Variants in PALM observed in about 807,000 individuals in gnomAD.
The protein encoded by PALM is paralemmin-1.
In PALM, 18 loss-of-function variants were observed where a neutral mutation model predicts 30.7. The observed-to-expected ratio is 0.59, with a 90% CI of 0.41 to 0.87. PALM has a LOEUF of 0.87. Ranked by LOEUF, PALM falls within the 40% of genes least tolerant of loss-of-function variation. PALM has a pLI of 0.00. For missense variants in PALM, 529 were observed against 555.4 expected, an observed-to-expected ratio of 0.95 and a Z score of 0.48; for synonymous variants, 286 against 242.8, an observed-to-expected ratio of 1.18 and a Z score of -1.66.
In PALM at chr19:742,683, C is replaced by T. The variant is rs952571741; in HGVS notation, c.634+2200C>T. 2.0e-5 allele frequency among the ~76,000 whole-genome samples: 3 copies of T among 152,148 alleles called. No individual in the cohort carries two copies. The East Asian group carries it at 5.8e-4, about 29-fold the overall frequency. On this transcript the variant is annotated intron_variant, in intron 8 of 8. Coordinates refer to ENST00000338448, the MANE Select transcript of PALM (RefSeq NM_002579.3). This position sits in a 1 kb window ranked among gnomAD's most constrained non-coding sequence, Gnocchi z 5.5. ...GGCCTTCTGTGTCTGGCGTCTCTCA[C>T]TGGGCGTGACGTCCCCAAGGTGCAT...
At chr19:730,549 A>T (rs1314833530) in intron 4 of PALM, among the ~76,000 whole-genome samples, 1 of 152,176 alleles carries the variant, frequency 6.6e-6, no homozygotes, top group African/African-American at 2.4e-5. Flanking sequence ...CAGTGACATA[A>T]ACAGCGCAGG....
chr19:728,865 G>A (rs957090221), intron 4 of PALM, among the ~76,000 whole-genome samples: 3 of 152,034 alleles, frequency 2.0e-5, no homozygotes, highest in South Asian at 2.1e-4. Context: ...TTAGCCAGGC[G>A]TGGTGGCGGG....
chr19:727,914 G>A (rs560299382), intron 4 of PALM: 8 of 555,536 alleles, frequency 1.4e-5, no homozygotes, highest in Middle Eastern at 4.8e-4. Context: ...GCAGAGGCTG[G>A]CTGCGTGGCC....
chr19:743,124 C>G (rs574218858), intron 8 of PALM, among the ~76,000 whole-genome samples: 1 of 152,188 alleles, frequency 6.6e-6, no homozygotes, highest in Non-Finnish European at 1.5e-5. Flanking sequence ...CCAAAGCCTT[C>G]TGTTCTCAGA....
intron 1 of PALM, among the ~76,000 whole-genome samples, chr19:721,723 G>A (rs989754757): frequency 4.6e-5 from 7 of 151,760 alleles, no homozygotes; most frequent in African/African-American, 4.8e-5. Flanking sequence ...TCAGCCTCCT[G>A]AGTAGCTGGG....
At chr19:739,009 C>T (rs563863806) in intron 7 of PALM, among the ~76,000 whole-genome samples, 3 of 152,254 alleles carry the variant, frequency 2.0e-5, no homozygotes, top group Non-Finnish European at 2.9e-5. Context: ...CGCTGCGGGG[C>T]GGGGTCTCAG....
At chr19:719,511 G>A (rs1599139735) in intron 1 of PALM, 2 of 985,308 alleles carry the variant, frequency 2.0e-6, no homozygotes, top group Admixed American at 6.2e-5. Flanking sequence ...GGCTCTGCGC[G>A]GCTGCCGGGA....
At chr19:739,026 G>A (rs1217375685) in intron 7 of PALM, among the ~76,000 whole-genome samples, 1 of 152,158 alleles carries the variant, frequency 6.6e-6, no homozygotes, top group Non-Finnish European at 1.5e-5. Context: ...TCAGGGAGGT[G>A]CCTGGTGATC....
intron 8 of PALM, among the ~76,000 whole-genome samples, chr19:744,011 C>T (rs1224379131): frequency 6.6e-6 from 1 of 152,214 alleles, no homozygotes; most frequent in Non-Finnish European, 1.5e-5. Context: ...CTCTGTGTTC[C>T]TCTCCTCCCT....
chr19:710,039 G>C (rs1270433248), intron 1 of PALM, among the ~76,000 whole-genome samples: 1 of 152,278 alleles, frequency 6.6e-6, no homozygotes, highest in Non-Finnish European at 1.5e-5. Flanking sequence ...CACGGGCAGG[G>C]GTCAGGAGGC....
At chr19:716,446 A>G (rs1437737992) in intron 1 of PALM, among the ~76,000 whole-genome samples, 1 of 150,944 alleles carries the variant, frequency 6.6e-6, no homozygotes, top group East Asian at 1.9e-4. Flanking sequence ...GATTAGGACC[A>G]GAGTGAGGCC....
At chr19:718,277 T>G (rs1184019187) in intron 1 of PALM, among the ~76,000 whole-genome samples, 1 of 152,118 alleles carries the variant, frequency 6.6e-6, no homozygotes, top group African/African-American at 2.4e-5. Context: ...GAGGCCTAAA[T>G]GAGGAGGTGA....
intron 1 of PALM, among the ~76,000 whole-genome samples, chr19:714,677 T>C (rs1204669509): frequency 6.6e-6 from 1 of 151,170 alleles, no homozygotes; most frequent in African/African-American, 2.4e-5. Context: ...TTAGACTGGG[T>C]CTTACTGTGT....
At chr19:722,146 C>G (rs1044204732) in intron 1 of PALM, among the ~76,000 whole-genome samples, 5 of 151,696 alleles carry the variant, frequency 3.3e-5, no homozygotes, top group Admixed American at 2.0e-4. Flanking sequence ...TCTCGATCTC[C>G]TGACCTCGTG....
intron 2 of PALM, 23 bp from the exon 3 acceptor site, chr19:726,985 A>ACCCCCCCCCC: frequency 2.1e-6 from 2 of 945,366 alleles, no homozygotes; most frequent in Non-Finnish European, 3.2e-6. Context: ...CCCATCCCTG[A>ACCCCCCCCCC]CCCCACCCGG....
intron 8 of PALM, among the ~76,000 whole-genome samples, chr19:745,243 G>T (rs2033305199): frequency 6.6e-6 from 1 of 152,232 alleles, no homozygotes; most frequent in African/African-American, 2.4e-5. Context: ...TCTTGTAGAA[G>T]AGAAACAGGC....
rs555541391 is a variant in PALM at position 720,201 on chromosome 19, G to A, written c.6-5937G>A. ...GGCCGGGGGCGGGAGATGCTGCGCC[G>A]GCCCCACCCCCGCGCGCCGGGCCTC... is the stretch of plus-strand genomic sequence containing the variant. On this transcript the variant is annotated intron_variant, in intron 1 of 8. Coordinates refer to ENST00000338448, the MANE Select transcript of PALM (RefSeq NM_002579.3). Among the ~76,000 whole-genome samples the A allele has an allele frequency of 2.3e-3, 356 of 151,842 alleles. 2 individuals carry two copies. Among genetic ancestry groups the A allele is most frequent in the African/African-American group, 8.3e-3 (345 of 41,464 alleles).
At chr19:744,896 AGC>A (rs34950854) in intron 8 of PALM, among the ~76,000 whole-genome samples, 59,407 of 148,504 alleles carry the variant, frequency 0.4, 12,610 homozygotes, top group Middle Eastern at 0.54. Flanking sequence ...AAAAAAAAAA[AGC>A]AGCAGGCACG....
rs752646507 is a variant in PALM at position 740,344 on chromosome 19, C to T, written c.503-8C>T. 3.8e-6 allele frequency: 6 copies of T among 1,558,926 alleles called. No homozygotes were observed. Among genetic ancestry groups the T allele is most frequent in the South Asian group, 2.4e-5 (2 of 84,456 alleles). On this transcript the variant is annotated splice_polypyrimidine_tract_variant and splice_region_variant and intron_variant, in intron 7 of 8. Transcript: ENST00000338448. ...GGCCGTGGTGTAACCCCGTGACTCTCGTGCCAGCCATGTACTCGGTTGAGA... is the reference window on the plus strand; with the variant it reads ...GGCCGTGGTGTAACCCCGTGACTCTTGTGCCAGCCATGTACTCGGTTGAGA...
Sources: allele counts gnomAD v4.1 joint callset (sites outside exome capture counted in the v4.1 genomes callset), GRCh38; gene constraint gnomAD v4.1.1; non-coding constraint Gnocchi (gnomAD v3.1); transcripts MANE v1.5; gene names NCBI Gene and HGNC (gene_info 2026-07-23, HGNC 2026-07-21).